The following RNF130 variants were observed in gnomAD, a reference collection of about 807,000 sequenced individuals.
The protein encoded by RNF130 is ring finger protein 130, also known as E3 ubiquitin-protein ligase RNF130.
In RNF130, 21 loss-of-function variants were observed where a neutral mutation model predicts 44.6. The observed-to-expected ratio is 0.47, with a 90% CI of 0.33 to 0.68. The LOEUF is 0.68. Ranked by LOEUF, RNF130 falls within the 30% of genes least tolerant of loss-of-function variation. RNF130 has a pLI of 0.02. For missense variants in RNF130, 479 were observed against 560.6 expected, an observed-to-expected ratio of 0.85 and a Z score of 1.47; for synonymous variants, 214 against 210.4, an observed-to-expected ratio of 1.02 and a Z score of -0.15.
chr5:180,070,828 G>T (rs1029443315), intron 1 of RNF130, among the ~76,000 whole-genome samples: 10 of 152,062 alleles, frequency 6.6e-5, no homozygotes, highest in Non-Finnish European at 1.3e-4. Context: ...TTCCCTTTTG[G>T]TCGGCACCCG....
In RNF130 at chr5:180,052,801, T is replaced by A. The variant is rs570542684; in HGVS notation, c.248-12154A>T. On this transcript the variant is annotated intron_variant, in intron 1 of 8. Coordinates refer to ENST00000521389, the MANE Select transcript of RNF130 (RefSeq NM_018434.6). ...CGGAGGATTACAGAAAAAGAAAGAC[T>A]GAGAGAGATTGCTCACCTGAGAAAA... Among the ~76,000 whole-genome samples, 12 of 152,228 alleles carry A rather than the reference T, an allele frequency of 7.9e-5. No homozygotes were observed. In the South Asian group the frequency reaches 2.1e-3, roughly 26 times the overall value.
intron 3 of RNF130, among the ~76,000 whole-genome samples, chr5:179,988,395 A>C (rs571709884): frequency 5.9e-5 from 9 of 152,070 alleles, no homozygotes; most frequent in Non-Finnish European, 1.2e-4. Context: ...TCTCTGTTTC[A>C]TTTAGTTCTA....
intron 3 of RNF130, among the ~76,000 whole-genome samples, chr5:179,980,869 C>A (rs1295323744): frequency 1.3e-5 from 2 of 152,206 alleles, no homozygotes; most frequent in African/African-American, 4.8e-5. Flanking sequence ...GCACCAACAA[C>A]CCACAGATGA....
chr5:179,997,340 T>G (rs1763224769), intron 3 of RNF130, among the ~76,000 whole-genome samples: 1 of 151,982 alleles, frequency 6.6e-6, no homozygotes, highest in South Asian at 2.1e-4. Flanking sequence ...TTATATTTTT[T>G]TGAGATGGAG....
downstream of RNF130, among the ~76,000 whole-genome samples, chr5:179,952,500 T>C (rs1327616433): frequency 6.6e-6 from 1 of 152,210 alleles, no homozygotes; most frequent in African/African-American, 2.4e-5. Context: ...ATTGTTTATA[T>C]GATGCCAGCA....
At chr5:180,006,687 G>A (rs1482070079) in intron 3 of RNF130, among the ~76,000 whole-genome samples, 1 of 152,092 alleles carries the variant, frequency 6.6e-6, no homozygotes, top group Non-Finnish European at 1.5e-5. Flanking sequence ...TCATTGTTCT[G>A]CTTTAGAAAT....
chr5:179,922,015 C>G (rs977582412), intron 7 of RNF130, among the ~76,000 whole-genome samples: 1 of 151,096 alleles, frequency 6.6e-6, no homozygotes, highest in Non-Finnish European at 1.5e-5. Flanking sequence ...AGTGAGACTC[C>G]GTCTGAAAAA....
intron 1 of RNF130, among the ~76,000 whole-genome samples, chr5:180,049,173 G>C (rs764753392): frequency 2.6e-5 from 4 of 152,182 alleles, no homozygotes; most frequent in Non-Finnish European, 5.9e-5. Context: ...AACCCAAAAA[G>C]AAAGCTTCTT....
At position 179,963,548 on chromosome 5, in the gene RNF130, A is replaced by G. The variant is rs566079144; in HGVS notation, c.1167T>C (p.Ile389=). ...GGGCACTGAGGAGGCCAAAACTGGC[A>G]ATAATAAACCATTCTTCTGTTGACA... ...NIAVTKEWFI[I]ASFGLLSALT... The change falls in exon 8 of 9, where the codon ATT becomes ATC. Residue 389 remains isoleucine, a synonymous_variant. Coordinates refer to ENST00000521389, the MANE Select transcript of RNF130 (RefSeq NM_018434.6). The G allele has an allele frequency of 3.3e-5, 53 of 1,613,142 alleles. No homozygotes were observed. In the East Asian group the frequency reaches 8.9e-4, roughly 27 times the overall value.
At chr5:179,923,127 C>G (rs1429406706) in intron 7 of RNF130, among the ~76,000 whole-genome samples, 1 of 152,114 alleles carries the variant, frequency 6.6e-6, no homozygotes, top group Non-Finnish European at 1.5e-5. Context: ...CCCAAGGTCA[C>G]TAAGATTTTC....
intron 8 of RNF130, among the ~76,000 whole-genome samples, chr5:179,957,881 CT>C (rs35629659): frequency 0.67 from 96,061 of 142,898 alleles, 32,932 homozygotes; most frequent in African/African-American, 0.85. Context: ...ATTCAAAATT[CT>C]TTTTTTTTTT....
chr5:179,920,420 T>C, exon 8 of RNF130: 1 of 702,432 alleles, frequency 1.4e-6, no homozygotes, highest in South Asian at 1.5e-5. Flanking sequence ...ATGAAAGAAG[T>C]GACCACCTGG....
Position 179,962,938 on chromosome 5 carries a change from G to A in RNF130, c.1244+533C>T, listed in dbSNP as rs111296472. Among the ~76,000 whole-genome samples the A allele has an allele frequency of 2.0e-3, 303 of 152,286 alleles. 2 individuals carry two copies. The highest frequency in any genetic ancestry group is 5.8e-3 in the African/African-American group (242 of 41,560). Reference sequence around the variant, plus strand: ...TCGCCATTTTGCCCATGGAGATAGCGCTTAGACTTATTTTCTCTTCCTCCT... The same window carrying A: ...TCGCCATTTTGCCCATGGAGATAGCACTTAGACTTATTTTCTCTTCCTCCT... On this transcript the variant is annotated intron_variant, in intron 8 of 8. Coordinates refer to ENST00000521389, the MANE Select transcript of RNF130 (RefSeq NM_018434.6).
intron 6 of RNF130, among the ~76,000 whole-genome samples, chr5:179,968,895 G>T (rs1038523321): frequency 4.6e-5 from 7 of 152,160 alleles, no homozygotes; most frequent in African/African-American, 1.7e-4. Context: ...AGAAGGGATT[G>T]TCCAGTCCAT....
intron 8 of RNF130, among the ~76,000 whole-genome samples, chr5:179,958,548 C>T (rs1378801524): frequency 6.6e-6 from 1 of 152,342 alleles, no homozygotes; most frequent in Admixed American, 6.5e-5. Context: ...CATCTCAGAG[C>T]CTTCTACCTG....
At chr5:179,919,300 A>G (rs1189760636) in exon 8 of RNF130, 1 of 152,826 alleles carries the variant, frequency 6.5e-6, no homozygotes, top group African/African-American at 2.4e-5. Context: ...CTGTCCTGTA[A>G]GCCTGTCGGC....
At chr5:179,938,265 T>A (rs985324513) in intron 7 of RNF130, among the ~76,000 whole-genome samples, 2 of 152,096 alleles carry the variant, frequency 1.3e-5, no homozygotes, top group African/African-American at 4.8e-5. Flanking sequence ...ACCCTTTCAA[T>A]GAATCTTGAA....
chr5:179,975,077 G>A (rs1762687297), intron 5 of RNF130, among the ~76,000 whole-genome samples: 1 of 152,222 alleles, frequency 6.6e-6, no homozygotes, highest in Non-Finnish European at 1.5e-5. Flanking sequence ...GTCTTGCCAA[G>A]TCTGTTCAGA....
intron 5 of RNF130, among the ~76,000 whole-genome samples, chr5:179,974,728 G>T (rs1762677667): frequency 1.3e-5 from 2 of 152,240 alleles, no homozygotes; most frequent in African/African-American, 4.8e-5. Flanking sequence ...TTTAAAAACT[G>T]GACTGGGAAA....
Sources: allele counts gnomAD v4.1 joint callset (sites outside exome capture counted in the v4.1 genomes callset), GRCh38; gene constraint gnomAD v4.1.1; transcripts MANE v1.5; gene names NCBI Gene and HGNC (gene_info 2026-07-23, HGNC 2026-07-21).